ZRANB3: variants seen among roughly 807,000 people sequenced by gnomAD.
The protein encoded by ZRANB3 is DNA annealing helicase and endonuclease ZRANB3.
A neutral mutation model predicts 133.8 loss-of-function variants in ZRANB3; 125 were observed. That is an observed-to-expected ratio of 0.93 (90% CI 0.81 to 1.08). The LOEUF is 1.08. Among genes scored for constraint, ZRANB3 ranks in the 50% least tolerant of loss-of-function variants. The pLI, the probability that ZRANB3 is intolerant of heterozygous loss-of-function variation, is 0.00. For missense variants in ZRANB3, 1,229 were observed against 1,275.5 expected (o/e 0.96, Z 0.56); for synonymous variants, 387 against 432.7 (o/e 0.89, Z 1.31).
chr2:135,469,634 C>T (rs1042257649), intron 2 of ZRANB3, among the ~76,000 whole-genome samples: 3 of 152,000 alleles, frequency 2.0e-5, no homozygotes, highest in African/African-American at 4.8e-5. Context: ...GACAAACAAA[C>T]GCCAACAAAA....
intron 2 of ZRANB3, among the ~76,000 whole-genome samples, chr2:135,405,969 T>C (rs1397593762): frequency 6.6e-6 from 1 of 151,656 alleles, no homozygotes; most frequent in African/African-American, 2.4e-5. Flanking sequence ...ATAACTAAGA[T>C]CAGAGTAGAA....
intron 2 of ZRANB3, among the ~76,000 whole-genome samples, chr2:135,442,373 A>G (rs754447728): frequency 4.6e-5 from 7 of 152,230 alleles, no homozygotes; most frequent in Non-Finnish European, 8.8e-5. Context: ...ACCCCATCCA[A>G]AAGTGTACAA....
intron 8 of ZRANB3, among the ~76,000 whole-genome samples, chr2:135,311,199 G>A (rs1682951842): frequency 1.3e-5 from 2 of 151,704 alleles, no homozygotes; most frequent in Admixed American, 1.3e-4. Flanking sequence ...TAGACAAAAG[G>A]CACCAAAAAA....
chr2:135,374,712 G>A (rs1054049239), intron 3 of ZRANB3, among the ~76,000 whole-genome samples: 1 of 151,996 alleles, frequency 6.6e-6, no homozygotes, highest in South Asian at 2.1e-4. Flanking sequence ...ATGTTGGCCA[G>A]GCTGGTCTCA....
chr2:135,235,031 T>C (rs1393679354), intron 12 of ZRANB3, among the ~76,000 whole-genome samples: 1 of 151,804 alleles, frequency 6.6e-6, no homozygotes, highest in Non-Finnish European at 1.5e-5. Context: ...ACAAAATTGA[T>C]AGACCGCTAG....
chr2:135,385,690 C>G (rs1026911541), intron 3 of ZRANB3, among the ~76,000 whole-genome samples: 4 of 152,168 alleles, frequency 2.6e-5, no homozygotes, highest in Non-Finnish European at 5.9e-5. Context: ...CACCACACAT[C>G]TGCAACCATC....
intron 3 of ZRANB3, among the ~76,000 whole-genome samples, chr2:135,387,069 C>T (rs1270238936): frequency 1.3e-5 from 2 of 151,010 alleles, no homozygotes; most frequent in African/African-American, 4.9e-5. Context: ...TAGTGAAGGA[C>T]GTCATTTGTT....
intron 2 of ZRANB3, among the ~76,000 whole-genome samples, chr2:135,417,523 C>T (rs1278520387): frequency 6.6e-6 from 1 of 152,154 alleles, no homozygotes; most frequent in Non-Finnish European, 1.5e-5. Flanking sequence ...GGACTGTAAA[C>T]TAGTTCAGCC....
At chr2:135,220,697 C>CA (rs1222053120) in intron 15 of ZRANB3, among the ~76,000 whole-genome samples, 5,690 of 54,530 alleles carry the variant, frequency 0.1, 437 homozygotes, top group African/African-American at 0.2. Context: ...GACTCCATCT[C>CA]AAAAAAAAAA....
At chr2:135,334,459 TTAAC>T in intron 6 of ZRANB3, among the ~76,000 whole-genome samples, 1 of 152,284 alleles carries the variant, frequency 6.6e-6, no homozygotes. Flanking sequence ...ATCCACTATA[TTAAC>T]TATTTCTCTC....
At chr2:135,447,764 T>C (rs1408793219) in intron 2 of ZRANB3, among the ~76,000 whole-genome samples, 1 of 152,194 alleles carries the variant, frequency 6.6e-6, no homozygotes, top group African/African-American at 2.4e-5. Context: ...TTCAGTAAAT[T>C]TGCTGAACCT....
chr2:135,253,813 T>C (rs1376622939), intron 12 of ZRANB3, among the ~76,000 whole-genome samples: 1 of 152,198 alleles, frequency 6.6e-6, no homozygotes, highest in Non-Finnish European at 1.5e-5. Flanking sequence ...AACATTATTA[T>C]GTGGTGTATG....
At chr2:135,489,633 T>TA (rs995132873) in intron 2 of ZRANB3, among the ~76,000 whole-genome samples, 4 of 147,844 alleles carry the variant, frequency 2.7e-5, no homozygotes, top group Admixed American at 6.7e-5. Context: ...GTCAGAGAAA[T>TA]AAAAAAAATA....
At chr2:135,283,913 T>TA (rs1219781318) in intron 8 of ZRANB3, among the ~76,000 whole-genome samples, 1 of 151,918 alleles carries the variant, frequency 6.6e-6, no homozygotes, top group Non-Finnish European at 1.5e-5. Flanking sequence ...GCCCGGAAGT[T>TA]AGAGGATGCA....
In ZRANB3 at chr2:135,530,959, T is replaced by C. The variant is rs146538589; in HGVS notation, c.-8+168A>G. On this transcript the variant is annotated intron_variant, in intron 1 of 20. Coordinates refer to ENST00000264159, the MANE Select transcript of ZRANB3 (RefSeq NM_032143.4). ...GAGCAATCACCCCGCCCTCCGCCAC[T>C]GAAGCTGGAGAAACCAGGTGTTCGT... 1.9e-3 allele frequency among the ~76,000 whole-genome samples: 288 copies of C among 152,260 alleles called. 6 individuals are homozygous for C. The South Asian group carries it at 0.034, about 18-fold the overall frequency.
At chr2:135,223,464 T>G (rs991826295) in intron 15 of ZRANB3, among the ~76,000 whole-genome samples, 1 of 151,646 alleles carries the variant, frequency 6.6e-6, no homozygotes, top group African/African-American at 2.4e-5. Context: ...TAGCTACGAT[T>G]AAAGGCACTT....
intron 2 of ZRANB3, among the ~76,000 whole-genome samples, chr2:135,476,936 G>T (rs1691525907): frequency 6.6e-6 from 1 of 151,972 alleles, no homozygotes; most frequent in East Asian, 1.9e-4. Flanking sequence ...GCCCAGACTG[G>T]TCTCAAATTC....
rs1680558859 is a variant in ZRANB3, at chr2:135,272,367, G to A, written c.1087-480C>T. The stretch of plus-strand genomic sequence containing the variant: ...ACAAATCACGGATTCATGAAGAGTA[G>A]TACATTTATTTCTGAAATATCCCAA... On this transcript the variant is annotated intron_variant, in intron 9 of 20. Coordinates refer to ENST00000264159, the MANE Select transcript of ZRANB3 (RefSeq NM_032143.4). Among the ~76,000 whole-genome samples the A allele has an allele frequency of 2.1e-5, 3 of 146,222 alleles. No homozygotes were observed. The South Asian group carries it at 6.8e-4, about 33-fold the overall frequency.
intron 2 of ZRANB3, among the ~76,000 whole-genome samples, chr2:135,421,807 A>G (rs1270862740): frequency 1.3e-5 from 2 of 149,706 alleles, no homozygotes; most frequent in Non-Finnish European, 3.0e-5. Flanking sequence ...TATATTGTCA[A>G]CCCATTTACT....
Sources: allele counts gnomAD v4.1 joint callset (sites outside exome capture counted in the v4.1 genomes callset), GRCh38; gene constraint gnomAD v4.1.1; transcripts MANE v1.5; gene names NCBI Gene and HGNC (gene_info 2026-07-23, HGNC 2026-07-21).